The following CDH13 variants were observed in gnomAD, a reference collection of about 807,000 sequenced individuals.
The protein encoded by CDH13 is cadherin 13, also known as cadherin-13.
Under a neutral mutation model 63.8 loss-of-function variants are expected in CDH13, and 24 were observed. The ratio of observed to expected loss-of-function variants is 0.38; its 90% CI spans 0.27 to 0.53. The LOEUF (loss-of-function observed/expected upper bound fraction) is 0.53, where lower values mean the gene tolerates loss of function less well. Ranked by LOEUF, CDH13 falls within the 20% of genes least tolerant of loss-of-function variation. The pLI is 0.85. For missense variants in CDH13, 1,049 were observed against 903.1 expected (o/e 1.16, Z -2.07); for synonymous variants, 503 against 355.3 (o/e 1.42, Z -4.67).
At chr16:83,565,982 T>C (rs999926780) in intron 7 of CDH13, among the ~76,000 whole-genome samples, 1 of 152,218 alleles carries the variant, frequency 6.6e-6, no homozygotes, top group African/African-American at 2.4e-5. Context: ...TTGCACTCCA[T>C]TGCATATTGT....
At chr16:83,085,696 G>T (rs570526372) in intron 3 of CDH13, among the ~76,000 whole-genome samples, 1 of 152,312 alleles carries the variant, frequency 6.6e-6, no homozygotes, top group Non-Finnish European at 1.5e-5. Context: ...AAGAAGGAGA[G>T]AAATAAATGT....
intron 2 of CDH13, among the ~76,000 whole-genome samples, chr16:82,978,883 G>C (rs532383190): frequency 1.7e-5 from 1 of 60,172 alleles, no homozygotes; most frequent in African/African-American, 1.3e-4. Flanking sequence ...TCCACCGACA[G>C]CTTGCACCAC....
chr16:83,221,769 C>A (rs755084561), intron 5 of CDH13, among the ~76,000 whole-genome samples: 1 of 152,008 alleles, frequency 6.6e-6, no homozygotes, highest in Non-Finnish European at 1.5e-5. Flanking sequence ...TCACACTGAT[C>A]TGTTGTCCAG....
intron 1 of CDH13, among the ~76,000 whole-genome samples, chr16:82,662,316 A>C (rs1912044610): frequency 6.6e-6 from 1 of 152,230 alleles, no homozygotes; most frequent in South Asian, 2.1e-4. Flanking sequence ...GGCATTAGTT[A>C]CCTTGAGGAG....
chr16:83,155,905 C>A (rs939140015), intron 4 of CDH13, among the ~76,000 whole-genome samples: 1 of 152,220 alleles, frequency 6.6e-6, no homozygotes, highest in Non-Finnish European at 1.5e-5. Flanking sequence ...CCAAGACACA[C>A]CCCAGATGCA....
intron 6 of CDH13, among the ~76,000 whole-genome samples, chr16:83,428,142 A>G (rs944819196): frequency 6.6e-6 from 1 of 152,188 alleles, no homozygotes; most frequent in African/African-American, 2.4e-5. Flanking sequence ...ATAGGGGGAA[A>G]TGGCACCTTT....
At chr16:83,370,951 C>T (rs2091355595) in intron 6 of CDH13, among the ~76,000 whole-genome samples, 1 of 152,164 alleles carries the variant, frequency 6.6e-6, no homozygotes, top group African/African-American at 2.4e-5. Flanking sequence ...CATCACTAAT[C>T]ATTAGAGAAA....
At chr16:83,739,580 C>T (rs115126453) in intron 10 of CDH13, among the ~76,000 whole-genome samples, 164 of 152,110 alleles carry the variant, frequency 1.1e-3, no homozygotes, top group African/African-American at 3.7e-3. Context: ...CCTAACTAAG[C>T]CCCCTTTGAC....
chr16:83,499,315 C>T (rs1056407078), intron 7 of CDH13, among the ~76,000 whole-genome samples: 1 of 152,190 alleles, frequency 6.6e-6, no homozygotes. Context: ...GCATCTTGGT[C>T]CAAGGTACAA....
intron 7 of CDH13, among the ~76,000 whole-genome samples, chr16:83,510,450 A>G (rs1486554020): frequency 1.3e-5 from 2 of 152,376 alleles, no homozygotes; most frequent in East Asian, 3.9e-4. Flanking sequence ...TTAAAAATAC[A>G]CAACACACCA....
At chr16:82,895,684 T>G (rs947047007) in intron 2 of CDH13, among the ~76,000 whole-genome samples, 3 of 75,496 alleles carry the variant, frequency 4.0e-5, no homozygotes, top group African/African-American at 1.2e-4. Flanking sequence ...AAGGGACGCC[T>G]CTCCCTTTTT....
intron 8 of CDH13, among the ~76,000 whole-genome samples, chr16:83,637,146 C>T (rs1415898280): frequency 1.3e-5 from 2 of 152,084 alleles, no homozygotes; most frequent in Non-Finnish European, 2.9e-5. Flanking sequence ...AACTCAACAG[C>T]TTTTTATCCC....
intron 7 of CDH13, among the ~76,000 whole-genome samples, chr16:83,571,003 C>T (rs1178306558): frequency 1.4e-5 from 2 of 144,518 alleles, no homozygotes; most frequent in African/African-American, 2.5e-5. Flanking sequence ...AGGGCCAGCA[C>T]CTCCAGCTAA....
intron 1 of CDH13, among the ~76,000 whole-genome samples, chr16:82,820,088 G>A (rs936516220): frequency 4.6e-5 from 7 of 152,138 alleles, no homozygotes; most frequent in Non-Finnish European, 8.8e-5. Flanking sequence ...ACACTCACCA[G>A]CATCTCTTAG....
intron 10 of CDH13, chr16:83,710,647 C>CTAT (rs953611436): frequency 6.6e-6 from 1 of 152,102 alleles, no homozygotes; most frequent in African/African-American, 2.4e-5. Context: ...CACTTAGCAG[C>CTAT]CATAAGACCT....
chr16:82,992,498 G>T (rs1361565800), intron 2 of CDH13, among the ~76,000 whole-genome samples: 2 of 152,118 alleles, frequency 1.3e-5, no homozygotes. Context: ...GGCAGGGTGG[G>T]GATAGAATTC....
intron 4 of CDH13, among the ~76,000 whole-genome samples, chr16:83,144,108 G>A (rs1018993407): frequency 1.3e-5 from 2 of 152,204 alleles, no homozygotes; most frequent in Non-Finnish European, 2.9e-5. Context: ...CGCCTGATTG[G>A]TCATACTTGA....
chr16:82,633,408 C>G (rs1908265372), intron 1 of CDH13, among the ~76,000 whole-genome samples: 1 of 152,222 alleles, frequency 6.6e-6, no homozygotes, highest in Admixed American at 6.5e-5. Context: ...GAGACGGAGT[C>G]TTGCTTTGTC....
At chr16:82,832,322 C>A (rs1394642989) in intron 1 of CDH13, among the ~76,000 whole-genome samples, 2 of 152,150 alleles carry the variant, frequency 1.3e-5, no homozygotes, top group African/African-American at 4.8e-5. Context: ...TTTGCAATAT[C>A]TAAGCTTGAT....
Sources: allele counts gnomAD v4.1 joint callset (sites outside exome capture counted in the v4.1 genomes callset), GRCh38; gene constraint gnomAD v4.1.1; transcripts MANE v1.5; gene names NCBI Gene and HGNC (gene_info 2026-07-23, HGNC 2026-07-21).